FRRS1: variants seen among roughly 807,000 people sequenced by gnomAD.
FRRS1 encodes the protein ferric chelate reductase 1.
Under a neutral mutation model 70.7 loss-of-function variants are expected in FRRS1, and 51 were observed. That is an observed-to-expected ratio of 0.72 (90% CI 0.58 to 0.91). FRRS1 has a LOEUF of 0.91. Ranked by LOEUF, FRRS1 falls within the 40% of genes least tolerant of loss-of-function variation. FRRS1 has a pLI of 0.00. For missense variants in FRRS1, 672 were observed against 726.0 expected (o/e 0.93, Z 0.86); for synonymous variants, 225 against 238.7 (o/e 0.94, Z 0.53).
At chr1:99,715,795 C>T in intron 11 of FRRS1, 123 bp from the exon 12 acceptor site, 1 of 536,344 alleles carries the variant, frequency 1.9e-6, no homozygotes, top group Non-Finnish European at 3.4e-6. Context: ...ATTCAACTGA[C>T]ATCTAATCAC....
At chr1:99,718,670 A>C (rs571989140) in intron 10 of FRRS1, among the ~76,000 whole-genome samples, 2 of 152,206 alleles carry the variant, frequency 1.3e-5, no homozygotes, top group African/African-American at 4.8e-5. Flanking sequence ...ACTTCATTCT[A>C]TTCCTCATTT....
At chr1:99,719,449 A>G (rs1009260562) in intron 10 of FRRS1, 85 bp downstream of exon 10, 46 of 744,764 alleles carry the variant, frequency 6.2e-5, no homozygotes, top group Non-Finnish European at 9.6e-5. Flanking sequence ...AATTAGCTAC[A>G]TTATACCCAC....
intron 14 of FRRS1, 145 bp from the exon 15 acceptor site, chr1:99,711,094 T>G: frequency 4.2e-6 from 3 of 712,206 alleles, no homozygotes; most frequent in Non-Finnish European, 6.7e-6. Context: ...AATAGTTAAT[T>G]CAGACTTTTA....
At chr1:99,730,250 A>T (rs1005354594) in intron 7 of FRRS1, among the ~76,000 whole-genome samples, 8 of 152,196 alleles carry the variant, frequency 5.3e-5, no homozygotes, top group African/African-American at 1.9e-4. Flanking sequence ...GTAACTTCTA[A>T]GATGGAAGAC....
rs1656417062 is a variant in FRRS1 at position 99,748,787 on chromosome 1, A to ATT, written c.1-20_1-19insAA. On this transcript the variant is annotated intron_variant, in intron 2 of 16. Transcript: ENST00000646001. ...CTGCCATCTCAAAAAGAAGGGTAAAAGCCCATTATTGTCATATATAATTAA... is the reference window on the plus strand; with the variant it reads ...CTGCCATCTCAAAAAGAAGGGTAAAATTGCCCATTATTGTCATATATAATTAA... 6.3e-7 allele frequency: 1 copy of ATT among 1,592,036 alleles called. No individual in the cohort carries two copies. The highest frequency in any genetic ancestry group is 8.6e-7 in the Non-Finnish European group (1 of 1,163,212).
chr1:99,719,754 T>C, intron 9 of FRRS1, 107 bp from the exon 10 acceptor site: 1 of 626,812 alleles, frequency 1.6e-6, no homozygotes, highest in South Asian at 1.9e-5. Context: ...CTTAAGGTAA[T>C]AAAAAATAAT....
chr1:99,743,896 G>A (rs1216243253), intron 4 of FRRS1, among the ~76,000 whole-genome samples: 3 of 151,888 alleles, frequency 2.0e-5, no homozygotes, highest in South Asian at 2.1e-4. Flanking sequence ...AACACCATGG[G>A]GCCCATACGA....
At chr1:99,753,148 G>A (rs1478975917) in intron 1 of FRRS1, among the ~76,000 whole-genome samples, 1 of 151,550 alleles carries the variant, frequency 6.6e-6, no homozygotes, top group African/African-American at 2.4e-5. Context: ...AAGAATTCAA[G>A]GTGGCAGTGA....
At chr1:99,715,734 A>G in intron 11 of FRRS1, 62 bp from the exon 12 acceptor site, 1 of 1,162,536 alleles carries the variant, frequency 8.6e-7, no homozygotes, top group Non-Finnish European at 1.3e-6. Context: ...GTGGTGTTGC[A>G]ACGGGGAAAA....
In FRRS1 at chr1:99,706,648, C is replaced by A. The variant is rs1453129266; in HGVS notation, c.*2380G>T. Among the ~76,000 whole-genome samples, 1 of 152,124 alleles carries A rather than the reference C, an allele frequency of 6.6e-6. No homozygotes were observed. The highest frequency in any genetic ancestry group is 1.5e-5 in the Non-Finnish European group (1 of 68,020). ...GTGGCTCGTGCCTGTAATCCCAGCA[C>A]TTTGGGAGGCTGAGGCGGGTGGATT... On this transcript the variant is annotated 3_prime_UTR_variant, in exon 17 of 17. Coordinates refer to ENST00000646001, the MANE Select transcript of FRRS1 (RefSeq NM_001361041.2).
At position 99,742,224 on chromosome 1, in the gene FRRS1, A is replaced by T; in HGVS notation, c.383T>A (p.Val128Asp). The T allele has an allele frequency of 6.2e-7, 1 of 1,612,448 alleles. No individual in the cohort carries two copies. ...AGCACTGCTTGGAGCATTCCAGTAG[A>T]CTTTAATTTCTGTTTTTTTAGATGC... is the stretch of plus-strand genomic sequence containing the variant. ...RSASKKTEIK[V>D]YWNAPSSAPN... The change falls in exon 5 of 17, where the codon GTC becomes GAC. Residue 128 changes from valine to aspartate, a missense_variant. By Grantham distance (152) the Val-to-Asp change is radical. Transcript: ENST00000646001.
chr1:99,744,361 G>C (rs1024041946), intron 4 of FRRS1, among the ~76,000 whole-genome samples: 7 of 152,162 alleles, frequency 4.6e-5, no homozygotes, highest in African/African-American at 1.7e-4. Context: ...TAAAAGTTTG[G>C]CTTTTAAAAT....
intron 9 of FRRS1, among the ~76,000 whole-genome samples, chr1:99,724,792 A>T (rs1655000269): frequency 7.0e-6 from 1 of 143,296 alleles, no homozygotes. Flanking sequence ...TGTACCAGTT[A>T]AAAAAAAAAA....
chr1:99,740,975 T>C (rs1196099422), intron 5 of FRRS1, 35 bp from the exon 6 acceptor site: 2 of 1,596,756 alleles, frequency 1.3e-6, no homozygotes, highest in Non-Finnish European at 1.7e-6. Context: ...AGAACCCTAA[T>C]TGTGTCCTGT....
chr1:99,711,882 G>T (rs1010143549), intron 14 of FRRS1, among the ~76,000 whole-genome samples: 1 of 152,182 alleles, frequency 6.6e-6, no homozygotes, highest in African/African-American at 2.4e-5. Context: ...TTAAATGAGA[G>T]TTTTAAAGTT....
intron 9 of FRRS1, among the ~76,000 whole-genome samples, chr1:99,723,086 A>AATATATATATATATATATAT (rs983536590): frequency 1.3e-4 from 20 of 152,356 alleles, no homozygotes; most frequent in African/African-American, 4.6e-4. Flanking sequence ...AAAGTAACCA[A>AATATATATATATATATATAT]ATATATATGC....
At chr1:99,721,558 AGT>A (rs1346429090) in intron 9 of FRRS1, among the ~76,000 whole-genome samples, 2 of 152,048 alleles carry the variant, frequency 1.3e-5, no homozygotes, top group Non-Finnish European at 1.5e-5. Flanking sequence ...AATTGACCAA[AGT>A]AGTAGTAACC....
At chr1:99,710,513 A>C (rs770987776) in intron 15 of FRRS1, among the ~76,000 whole-genome samples, 2 of 152,214 alleles carry the variant, frequency 1.3e-5, no homozygotes, top group Non-Finnish European at 2.9e-5. Flanking sequence ...AGGCATTCAG[A>C]GTTCCCAGTC....
chr1:99,743,478 G>A (rs377680308), intron 4 of FRRS1, among the ~76,000 whole-genome samples: 5 of 152,092 alleles, frequency 3.3e-5, no homozygotes, highest in African/African-American at 1.2e-4. Context: ...AAAAAGTTAG[G>A]TATGCCTTAA....
Sources: gnomAD v4.1 joint callset for allele counts (sites outside exome capture counted in the v4.1 genomes callset) on GRCh38, gnomAD v4.1.1 for gene constraint, MANE v1.5 for transcripts, NCBI Gene and HGNC (gene_info 2026-07-23, HGNC 2026-07-21) for gene names.